FAM227B: variants seen among roughly 807,000 people sequenced by gnomAD.
FAM227B encodes the protein protein FAM227B.
In FAM227B, 88 loss-of-function variants were observed where a neutral mutation model predicts 73.8. The observed-to-expected ratio is 1.19, with a 90% CI of 1.00 to 1.42. The LOEUF is 1.42. Among genes scored for constraint, FAM227B ranks in the 40% most tolerant of loss-of-function variants. The probability of loss-of-function intolerance (pLI) is 0.00; values close to 1 mark genes in which losing one functional copy is unlikely to be tolerated. For missense variants in FAM227B, 632 were observed against 590.9 expected, an observed-to-expected ratio of 1.07 and a Z score of -0.72; for synonymous variants, 210 against 190.5, an observed-to-expected ratio of 1.10 and a Z score of -0.84.
At chr15:49,513,356 T>C (rs1320176296) in intron 10 of FAM227B, among the ~76,000 whole-genome samples, 1 of 152,214 alleles carries the variant, frequency 6.6e-6, no homozygotes, top group East Asian at 1.9e-4. Flanking sequence ...TAATGATCAG[T>C]GATGTTGAGC....
At chr15:49,591,029 G>GTTTTTTTTTTTTTTTTT (rs71424023) in intron 3 of FAM227B, among the ~76,000 whole-genome samples, 1 of 105,606 alleles carries the variant, frequency 9.5e-6, no homozygotes, top group Non-Finnish European at 2.0e-5. Flanking sequence ...TCTTTTTTTT[G>GTTTTTTTTTTTTTTTTT]TTTTTTTTTT....
At chr15:49,560,056 T>G (rs2074119420) in intron 9 of FAM227B, among the ~76,000 whole-genome samples, 1 of 151,938 alleles carries the variant, frequency 6.6e-6, no homozygotes, top group Non-Finnish European at 1.5e-5. Context: ...AAATGACAAG[T>G]AAGAATTTAA....
intron 11 of FAM227B, among the ~76,000 whole-genome samples, chr15:49,437,102 T>G (rs1425349871): frequency 1.3e-5 from 2 of 151,614 alleles, no homozygotes; most frequent in Non-Finnish European, 3.0e-5. Context: ...CTATTTATAC[T>G]TCTGTTCTTT....
chr15:49,431,239 C>T (rs1001329952), intron 11 of FAM227B, among the ~76,000 whole-genome samples: 9 of 151,810 alleles, frequency 5.9e-5, no homozygotes, highest in Non-Finnish European at 1.0e-4. Flanking sequence ...TGAAAATCCT[C>T]TGCCTTCCAC....
At chr15:49,568,956 T>C (rs1432441525) in intron 8 of FAM227B, among the ~76,000 whole-genome samples, 1 of 151,990 alleles carries the variant, frequency 6.6e-6, no homozygotes, top group Non-Finnish European at 1.5e-5. Context: ...GAAGGACTGG[T>C]GTTTATTCTT....
At chr15:49,552,981 G>C (rs2073211927) in intron 9 of FAM227B, among the ~76,000 whole-genome samples, 1 of 152,144 alleles carries the variant, frequency 6.6e-6, no homozygotes. Flanking sequence ...GCCTTATTTA[G>C]TTAATTGCTG....
chr15:49,447,620 T>A (rs2052346154), intron 11 of FAM227B, among the ~76,000 whole-genome samples: 1 of 151,722 alleles, frequency 6.6e-6, no homozygotes, highest in African/African-American at 2.4e-5. Context: ...AATTTTCTGG[T>A]AAATTTATGC....
intron 10 of FAM227B, among the ~76,000 whole-genome samples, chr15:49,538,102 C>T (rs2070523674): frequency 6.6e-6 from 1 of 152,110 alleles, no homozygotes; most frequent in African/African-American, 2.4e-5. Flanking sequence ...TCCTCACATA[C>T]AAGGGAGTGT....
chr15:49,377,969 C>T (rs1462465023), intron 11 of FAM227B, among the ~76,000 whole-genome samples: 1 of 152,066 alleles, frequency 6.6e-6, no homozygotes, highest in Non-Finnish European at 1.5e-5. Context: ...CTGATGTTTT[C>T]TTGCAGTAGT....
intron 10 of FAM227B, among the ~76,000 whole-genome samples, chr15:49,536,072 C>CAAAAAAAAAAAAAAAAAAA (rs59203003): frequency 5.3e-5 from 6 of 114,006 alleles, no homozygotes; most frequent in Non-Finnish European, 7.3e-5. Flanking sequence ...GGCAATCAGA[C>CAAAAAAAAAAAAAAAAAAA]AAAAAAAAAA....
At chr15:49,589,411 G>C (rs980046151) in intron 4 of FAM227B, among the ~76,000 whole-genome samples, 2 of 151,976 alleles carry the variant, frequency 1.3e-5, no homozygotes, top group Non-Finnish European at 2.9e-5. Flanking sequence ...CTTTGTTTTA[G>C]TAATACTTCC....
chr15:49,402,602 A>T (rs2048244180), intron 11 of FAM227B, among the ~76,000 whole-genome samples: 1 of 152,200 alleles, frequency 6.6e-6, no homozygotes, highest in Non-Finnish European at 1.5e-5. Flanking sequence ...GTTTGTATAT[A>T]GGAATGATAG....
chr15:49,409,613 A>C (rs1177270591), intron 11 of FAM227B, among the ~76,000 whole-genome samples: 1 of 151,688 alleles, frequency 6.6e-6, no homozygotes, highest in Non-Finnish European at 1.5e-5. Flanking sequence ...ATAAAGGCTC[A>C]ATAAATGCTG....
chr15:49,431,612 T>C (rs1010569721), intron 11 of FAM227B, among the ~76,000 whole-genome samples: 4 of 151,626 alleles, frequency 2.6e-5, no homozygotes, highest in Non-Finnish European at 5.9e-5. Context: ...AAGAAAGTAA[T>C]CTCTTCTACT....
chr15:49,473,794 T>C (rs1363055878), intron 11 of FAM227B, among the ~76,000 whole-genome samples: 1 of 152,142 alleles, frequency 6.6e-6, no homozygotes, highest in African/African-American at 2.4e-5. Context: ...TTTGATGTTA[T>C]AACATTTATA....
At chr15:49,479,520 T>G (rs1162036682) in intron 11 of FAM227B, among the ~76,000 whole-genome samples, 3 of 151,934 alleles carry the variant, frequency 2.0e-5, no homozygotes, top group Non-Finnish European at 4.4e-5. Flanking sequence ...ATCTGCATAT[T>G]ACATATTTTT....
chr15:49,616,648 A>G (rs1464863837), intron 1 of FAM227B, among the ~76,000 whole-genome samples: 1 of 152,142 alleles, frequency 6.6e-6, no homozygotes, highest in Non-Finnish European at 1.5e-5. Flanking sequence ...AAAATAAACT[A>G]CTGTTGTTTA....
rs576261502 is a variant in FAM227B at position 49,491,721 on chromosome 15, GCA to G, written c.1012+16488_1012+16489del. On this transcript the variant is annotated intron_variant, in intron 11 of 15. Coordinates refer to ENST00000299338, the MANE Select transcript of FAM227B (RefSeq NM_152647.3). ...TGATTGCACACACACACACACATAT[GCA>G]CACACACACACATATATATATGCAA... is the stretch of plus-strand genomic sequence containing the variant. Among the ~76,000 whole-genome samples the G allele has an allele frequency of 1.1e-3, 149 of 131,918 alleles. 5 individuals carry two copies. The South Asian group carries it at 0.03, about 27-fold the overall frequency. The allele number at this position is 131,918 out of a possible 152,430, so 86.5% of individuals were successfully genotyped here.
intron 11 of FAM227B, among the ~76,000 whole-genome samples, chr15:49,395,000 T>C (rs995357160): frequency 2.0e-5 from 3 of 152,178 alleles, no homozygotes; most frequent in Non-Finnish European, 4.4e-5. Context: ...TACTGTTATT[T>C]AAGAGAGGAG....
Sources: allele counts gnomAD v4.1 joint callset (sites outside exome capture counted in the v4.1 genomes callset), GRCh38; gene constraint gnomAD v4.1.1; transcripts MANE v1.5; gene names NCBI Gene and HGNC (gene_info 2026-07-23, HGNC 2026-07-21).